The following RPS6KC1 variants were observed in gnomAD, a reference collection of about 807,000 sequenced individuals.
RPS6KC1 encodes the protein ribosomal protein S6 kinase C1.
In RPS6KC1, 54 loss-of-function variants were observed where a neutral mutation model predicts 103.8. That is an observed-to-expected ratio of 0.52 (90% CI 0.42 to 0.65). The LOEUF (loss-of-function observed/expected upper bound fraction) is 0.65. RPS6KC1 is among the 30% of genes least tolerant of loss of function. The pLI is 0.00. For missense variants in RPS6KC1, 1,151 were observed against 1,253.8 expected, an observed-to-expected ratio of 0.92 and a Z score of 1.24; for synonymous variants, 439 against 438.7, an observed-to-expected ratio of 1.00 and a Z score of -0.01.
At chr1:213,356,190 A>G in the RPS6KC1 span, among the ~76,000 whole-genome samples, 1 of 152,220 alleles carries the variant, frequency 6.6e-6, no homozygotes, top group Non-Finnish European at 1.5e-5. Context: ...TGTGTGGTAT[A>G]ACAGGGGTGG....
the RPS6KC1 span, among the ~76,000 whole-genome samples, chr1:213,625,048 T>A: frequency 4.2e-4 from 64 of 152,174 alleles, no homozygotes; most frequent in Non-Finnish European, 8.1e-4. Flanking sequence ...AGTGGTGTGA[T>A]CTCCATCACT....
At chr1:213,304,903 C>G in the RPS6KC1 span, among the ~76,000 whole-genome samples, 1 of 152,168 alleles carries the variant, frequency 6.6e-6, no homozygotes, top group Non-Finnish European at 1.5e-5. Flanking sequence ...ACTAAACATT[C>G]TTTGAAAATA....
At chr1:213,261,036 A>G (rs1451599588) in intron 12 of RPS6KC1, among the ~76,000 whole-genome samples, 2 of 152,210 alleles carry the variant, frequency 1.3e-5, no homozygotes, top group African/African-American at 4.8e-5. Context: ...CTGATTACAT[A>G]GGAAAGGGAA....
chr1:213,236,410 G>A (rs1573507932), intron 10 of RPS6KC1, among the ~76,000 whole-genome samples: 1 of 152,296 alleles, frequency 6.6e-6, no homozygotes, highest in South Asian at 2.1e-4. Context: ...GGAGAAGTAA[G>A]TTTAGAAGGA....
At chr1:213,345,281 G>A in the RPS6KC1 span, among the ~76,000 whole-genome samples, 1 of 152,128 alleles carries the variant, frequency 6.6e-6, no homozygotes, top group African/African-American at 2.4e-5. Flanking sequence ...CCTTCTCAAT[G>A]TAATGAAGTT....
intron 12 of RPS6KC1, among the ~76,000 whole-genome samples, chr1:213,243,177 A>G (rs1438513716): frequency 1.3e-5 from 2 of 152,000 alleles, no homozygotes; most frequent in East Asian, 1.9e-4. Context: ...TTTAAAAAGC[A>G]TTTTTTGTAG....
chr1:213,799,388 C>T, the RPS6KC1 span, among the ~76,000 whole-genome samples: 2 of 152,178 alleles, frequency 1.3e-5, no homozygotes, highest in Non-Finnish European at 2.9e-5. Context: ...GCAGCAGCTA[C>T]TGTTGACTTG....
chr1:213,618,994 C>G, the RPS6KC1 span, among the ~76,000 whole-genome samples: 1 of 152,126 alleles, frequency 6.6e-6, no homozygotes, highest in African/African-American at 2.4e-5. Context: ...TAGAAGAGAG[C>G]AAGGACATAT....
Position 213,127,051 on chromosome 1 carries a change from G to C in RPS6KC1, c.473-2476G>C, listed in dbSNP as rs192596599. The stretch of plus-strand genomic sequence containing the variant: ...TGTTCAGTGGTGAATGCAGATCTCA[G>C]TTATTTCCAAACTAGTTTTTATATA... On this transcript the variant is annotated intron_variant, in intron 5 of 14. Transcript: ENST00000366960. Among the ~76,000 whole-genome samples the C allele has an allele frequency of 4.4e-3, 667 of 152,082 alleles. 3 individuals are homozygous for C. The highest frequency in any genetic ancestry group is 7.8e-3 in the Admixed American group (119 of 15,258).
the RPS6KC1 span, among the ~76,000 whole-genome samples, chr1:213,434,446 CTCTTTCTT>C: frequency 6.6e-6 from 1 of 151,732 alleles, no homozygotes; most frequent in Non-Finnish European, 1.5e-5. Context: ...ATCTTTGTTT[CTCTTTCTT>C]TCTTTCTTTC....
At chr1:213,470,371 T>A in the RPS6KC1 span, among the ~76,000 whole-genome samples, 1 of 152,228 alleles carries the variant, frequency 6.6e-6, no homozygotes, top group African/African-American at 2.4e-5. Flanking sequence ...CTTCTACCTC[T>A]AGTTTGTCCT....
In RPS6KC1 at chr1:213,261,548, G is replaced by T. The variant is rs747897814; in HGVS notation, c.2912-10G>T. 14 of 1,611,098 alleles carry T rather than the reference G, an allele frequency of 8.7e-6. No homozygotes were observed. Among genetic ancestry groups the T allele is most frequent in the South Asian group, 1.1e-5 (1 of 90,696 alleles). ...GGAATTTTAATATCAACCTTTTTTGGTGTGGTTAGAGGTTGGAGCAATCAC... is the reference window on the plus strand; with the variant it reads ...GGAATTTTAATATCAACCTTTTTTGTTGTGGTTAGAGGTTGGAGCAATCAC... On this transcript the variant is annotated splice_polypyrimidine_tract_variant and intron_variant, in intron 12 of 14. Transcript: ENST00000366960.
intron 4 of RPS6KC1, among the ~76,000 whole-genome samples, chr1:213,111,268 C>G (rs2083006823): frequency 1.3e-5 from 2 of 152,040 alleles, no homozygotes; most frequent in South Asian, 2.1e-4. Context: ...CTTAACTATA[C>G]CAGAAGTCCT....
the RPS6KC1 span, among the ~76,000 whole-genome samples, chr1:213,794,749 A>T: frequency 6.6e-6 from 1 of 152,156 alleles, no homozygotes; most frequent in South Asian, 2.1e-4. Flanking sequence ...TTGCCCGGGG[A>T]GAATAGCTCT....
chr1:213,394,442 C>T, the RPS6KC1 span, among the ~76,000 whole-genome samples: 1 of 152,014 alleles, frequency 6.6e-6, no homozygotes, highest in African/African-American at 2.4e-5. Context: ...CTACCCCTCA[C>T]CCCACCTCCA....
the RPS6KC1 span, among the ~76,000 whole-genome samples, chr1:213,605,111 C>T: frequency 6.6e-6 from 1 of 152,042 alleles, no homozygotes; most frequent in Non-Finnish European, 1.5e-5. Context: ...TCATGGTGCC[C>T]TTAGCTTCTT....
chr1:213,840,938 G>T, the RPS6KC1 span: 1 of 152,140 alleles, frequency 6.6e-6, no homozygotes, highest in African/African-American at 2.4e-5. Context: ...CCCATTGAGA[G>T]AAAACTTTTT....
At chr1:213,689,893 A>G in the RPS6KC1 span, among the ~76,000 whole-genome samples, 2 of 152,160 alleles carry the variant, frequency 1.3e-5, no homozygotes, top group Non-Finnish European at 2.9e-5. Flanking sequence ...ACATACACTC[A>G]ATGTATGGTC....
At chr1:213,608,790 CTAAT>C in the RPS6KC1 span, among the ~76,000 whole-genome samples, 1 of 152,010 alleles carries the variant, frequency 6.6e-6, no homozygotes, top group African/African-American at 2.4e-5. Flanking sequence ...AACTTGCTGT[CTAAT>C]TAATATTGTA....
Sources: gnomAD v4.1 joint callset for allele counts (sites outside exome capture counted in the v4.1 genomes callset) on GRCh38, gnomAD v4.1.1 for gene constraint, MANE v1.5 for transcripts, NCBI Gene and HGNC (gene_info 2026-07-23, HGNC 2026-07-21) for gene names.